Variants in NCK2 observed in about 807,000 individuals in gnomAD.
NCK2 encodes cytoplasmic protein NCK2.
Under a neutral mutation model 33.9 loss-of-function variants are expected in NCK2, and 16 were observed. The ratio of observed to expected loss-of-function variants is 0.47; its 90% CI spans 0.32 to 0.72. NCK2 has a LOEUF of 0.72. NCK2 is among the 30% of genes least tolerant of loss of function. NCK2 has a pLI of 0.03. For synonymous variants in NCK2, 273 were observed against 239.9 expected, an observed-to-expected ratio of 1.14 and a Z score of -1.27; for missense variants, 418 against 537.3, an observed-to-expected ratio of 0.78 and a Z score of 2.19.
Position 105,881,329 on chromosome 2 carries a change from C to T in NCK2, c.228C>T (p.Gly76=). 1 of 1,587,802 alleles carries T rather than the reference C, an allele frequency of 6.3e-7. No homozygotes were observed. The highest frequency in any genetic ancestry group is 2.2e-5 in the East Asian group (1 of 44,676). The change falls in exon 4 of 5, where the codon GGC becomes GGT. Residue 76 remains glycine (G), a splice_region_variant and synonymous_variant. Transcript: ENST00000233154. ...CTGAGCCTTGCTGTGTCTCCACAGG[C>T]CTCGGCAAGACGCGCAGGAAGACCA... The part of the protein sequence containing the change: ...SLVKNLKDTL[G]LGKTRRKTSA...
chr2:105,892,892 T>A, intron 4 of NCK2, 90 bp from the exon 5 acceptor site: 1 of 1,015,254 alleles, frequency 9.8e-7, no homozygotes, highest in Non-Finnish European at 1.4e-6. Flanking sequence ...CAATGGGTGG[T>A]TTGGATTTAG....
intron 2 of NCK2, among the ~76,000 whole-genome samples, chr2:105,840,705 T>G (rs1024474407): frequency 6.6e-6 from 1 of 152,250 alleles, no homozygotes; most frequent in African/African-American, 2.4e-5. Flanking sequence ...TCAATTAATT[T>G]GCTAGAGCAG....
chr2:105,805,819 T>C (rs1052401000), intron 1 of NCK2, among the ~76,000 whole-genome samples: 3 of 152,232 alleles, frequency 2.0e-5, no homozygotes, highest in Non-Finnish European at 4.4e-5. Context: ...TGTATATATA[T>C]AGGGTAAGAA....
chr2:105,797,370 G>A (rs998978560), intron 1 of NCK2, among the ~76,000 whole-genome samples: 4 of 152,170 alleles, frequency 2.6e-5, no homozygotes, highest in African/African-American at 7.2e-5. Flanking sequence ...TTCTAGGACC[G>A]GAAGAGACTG....
chr2:105,832,428 T>A (rs946424224), intron 2 of NCK2, among the ~76,000 whole-genome samples: 6 of 152,222 alleles, frequency 3.9e-5, no homozygotes, highest in Non-Finnish European at 8.8e-5. Flanking sequence ...GTTTTCAGCT[T>A]TTGCCTATTC....
intron 2 of NCK2, among the ~76,000 whole-genome samples, chr2:105,843,068 C>T (rs1676711876): frequency 6.6e-6 from 1 of 152,100 alleles, no homozygotes; most frequent in Non-Finnish European, 1.5e-5. Flanking sequence ...ATACCTTATC[C>T]TAAGTGCTTG....
At chr2:105,812,314 G>A (rs527891308) in intron 1 of NCK2, among the ~76,000 whole-genome samples, 4 of 152,314 alleles carry the variant, frequency 2.6e-5, no homozygotes, top group African/African-American at 9.6e-5. Flanking sequence ...ACACATCTAA[G>A]CTGCTCAGTA....
chr2:105,770,360 C>G (rs1439260374), intron 1 of NCK2, among the ~76,000 whole-genome samples: 1 of 152,096 alleles, frequency 6.6e-6, no homozygotes, highest in Non-Finnish European at 1.5e-5. Context: ...ATGCTGAGAT[C>G]TTTTTAAAGG....
chr2:105,827,444 C>T (rs1201821564), intron 2 of NCK2, among the ~76,000 whole-genome samples: 2 of 152,170 alleles, frequency 1.3e-5, no homozygotes, highest in Admixed American at 6.6e-5. Context: ...ATAGAACAAC[C>T]ACACAGAAAG....
intron 3 of NCK2, among the ~76,000 whole-genome samples, chr2:105,873,936 G>A (rs1246563115): frequency 1.3e-5 from 2 of 152,258 alleles, no homozygotes; most frequent in African/African-American, 4.8e-5. Flanking sequence ...CAAGGGTCCC[G>A]GGAGTGCCCT....
chr2:105,858,421 G>A (rs1677377974), intron 3 of NCK2, among the ~76,000 whole-genome samples: 1 of 152,006 alleles, frequency 6.6e-6, no homozygotes, highest in African/African-American at 2.4e-5. Flanking sequence ...CAGCTATTTT[G>A]TATTTTTTAT....
rs182574261 is a variant in NCK2, at chr2:105,861,618, G to C, written c.226+6329G>C. On this transcript the variant is annotated intron_variant, in intron 3 of 4. Transcript: ENST00000233154. ...CAACCTCCACCTCCCAGGTTCAAGC[G>C]ATTCTCCTGCTTCAGCCTCCCTAGT... Among the ~76,000 whole-genome samples, 422 of 150,930 alleles carry C rather than the reference G, an allele frequency of 2.8e-3. 2 individuals carry two copies. The highest frequency in any genetic ancestry group is 9.3e-3 in the African/African-American group (380 of 41,066).
chr2:105,882,437 T>A (rs1678544123), intron 4 of NCK2, among the ~76,000 whole-genome samples: 1 of 152,226 alleles, frequency 6.6e-6, no homozygotes, highest in Non-Finnish European at 1.5e-5. Context: ...AAAGCATTCT[T>A]TGCAAGACTG....
At chr2:105,807,062 G>C (rs955401725) in intron 1 of NCK2, among the ~76,000 whole-genome samples, 1 of 152,190 alleles carries the variant, frequency 6.6e-6, no homozygotes, top group Non-Finnish European at 1.5e-5. Flanking sequence ...ATGTAATGTG[G>C]AATGAAGGTA....
chr2:105,838,015 T>C (rs898027293), intron 2 of NCK2, among the ~76,000 whole-genome samples: 25 of 152,226 alleles, frequency 1.6e-4, no homozygotes, highest in Non-Finnish European at 2.9e-4. Context: ...TACAAGTATA[T>C]TTAATCCTAT....
At chr2:105,789,249 G>A (rs1277472840) in intron 1 of NCK2, among the ~76,000 whole-genome samples, 4 of 152,042 alleles carry the variant, frequency 2.6e-5, no homozygotes, top group Admixed American at 2.0e-4. Context: ...GTGTAGTGGC[G>A]CGATCTTGGC....
At chr2:105,818,186 C>A (rs1007797591) in intron 2 of NCK2, among the ~76,000 whole-genome samples, 2 of 148,118 alleles carry the variant, frequency 1.4e-5, no homozygotes, top group African/African-American at 5.0e-5. Flanking sequence ...GGACAAAAAA[C>A]CAAACACTGC....
intron 4 of NCK2, among the ~76,000 whole-genome samples, chr2:105,889,640 G>A (rs1250751633): frequency 6.7e-6 from 1 of 149,392 alleles, no homozygotes; most frequent in Non-Finnish European, 1.5e-5. Flanking sequence ...CTGGAGTGCA[G>A]TGGCCCTGTC....
intron 1 of NCK2, among the ~76,000 whole-genome samples, chr2:105,754,543 C>G (rs1277468298): frequency 6.6e-6 from 1 of 152,198 alleles, no homozygotes; most frequent in Non-Finnish European, 1.5e-5. Context: ...GTTGCTGTCT[C>G]TTTCATGCTT....
Sources: allele counts gnomAD v4.1 joint callset (sites outside exome capture counted in the v4.1 genomes callset), GRCh38; gene constraint gnomAD v4.1.1; transcripts MANE v1.5; gene names NCBI Gene and HGNC (gene_info 2026-07-23, HGNC 2026-07-21).